The following DRC3 variants were observed in gnomAD, a reference collection of about 807,000 sequenced individuals.
DRC3 encodes dynein regulatory complex subunit 3, also known as leucine rich repeat containing 48.
In DRC3, 45 loss-of-function variants were observed where a neutral mutation model predicts 57.6. The observed-to-expected ratio is 0.78, with a 90% CI of 0.62 to 1.00. DRC3 has a LOEUF of 1.00. Among genes scored for constraint, DRC3 ranks in the 50% least tolerant of loss-of-function variants. The pLI, the probability that DRC3 is intolerant of heterozygous loss-of-function variation, is 0.00. For synonymous variants in DRC3, 257 were observed against 272.3 expected (o/e 0.94, Z 0.55); for missense variants, 655 against 675.2 (o/e 0.97, Z 0.33).
At chr17:17,982,503 C>T (rs1230634251) in intron 3 of DRC3, among the ~76,000 whole-genome samples, 1 of 151,776 alleles carries the variant, frequency 6.6e-6, no homozygotes, top group Non-Finnish European at 1.5e-5. Flanking sequence ...GCGTGAGCCA[C>T]CACGCCTGGC....
At chr17:17,984,007 C>T in intron 4 of DRC3, 63 bp downstream of exon 4, 1 of 1,056,026 alleles carries the variant, frequency 9.5e-7, no homozygotes, top group Non-Finnish European at 1.4e-6. Flanking sequence ...AGGTTATTGC[C>T]TTCCCAGGAG....
At chr17:17,989,791 C>A (rs1324187377) in intron 5 of DRC3, among the ~76,000 whole-genome samples, 1 of 152,202 alleles carries the variant, frequency 6.6e-6, no homozygotes, top group Non-Finnish European at 1.5e-5. Context: ...TTCTTGCCAC[C>A]TGGCTTTTGG....
At chr17:17,992,090 C>T (rs1407706138) in intron 5 of DRC3, among the ~76,000 whole-genome samples, 2 of 152,120 alleles carry the variant, frequency 1.3e-5, no homozygotes, top group Non-Finnish European at 2.9e-5. Flanking sequence ...GCCTGGGCAA[C>T]ATGGCAAAAT....
In DRC3 at chr17:18,016,868, A is replaced by C; in HGVS notation, c.*197A>C. ...AAAGGACTCATTTCACATTTCCCCT[A>C]CTCATAAAAAAAAAAAAAAAATCAG... is the stretch of plus-strand genomic sequence containing the variant. On this transcript the variant is annotated 3_prime_UTR_variant, in exon 14 of 14. Coordinates refer to ENST00000399187, the MANE Select transcript of DRC3 (RefSeq NM_031294.4). 7 of 398,384 alleles carry C rather than the reference A, an allele frequency of 1.8e-5. No individual in the cohort carries two copies. Among genetic ancestry groups the C allele is most frequent in the Admixed American group, 4.9e-5 (1 of 20,324 alleles). 24.7% of individuals were successfully genotyped at this position (398,384 alleles called of 1,614,324 possible).
intron 5 of DRC3, 146 bp downstream of exon 5, chr17:17,988,244 C>G: frequency 1.2e-6 from 1 of 860,566 alleles, no homozygotes; most frequent in Non-Finnish European, 1.7e-6. Flanking sequence ...CTGGATTACT[C>G]CATGAGGGAT....
chr17:18,014,343 C>T (rs2044280519), intron 12 of DRC3, among the ~76,000 whole-genome samples: 1 of 152,210 alleles, frequency 6.6e-6, no homozygotes, highest in South Asian at 2.1e-4. Context: ...GTTTGCACAG[C>T]CCCTGCCTCC....
chr17:18,004,257 C>A (rs934791667), intron 9 of DRC3, 106 bp from the exon 10 acceptor site: 1 of 1,228,714 alleles, frequency 8.1e-7, no homozygotes, highest in Non-Finnish European at 1.2e-6. Flanking sequence ...TGCACTTGGG[C>A]AGGCTGACTC....
At chr17:17,979,412 G>T (rs1453129471) in intron 3 of DRC3, among the ~76,000 whole-genome samples, 2 of 152,216 alleles carry the variant, frequency 1.3e-5, no homozygotes, top group Non-Finnish European at 2.9e-5. Context: ...GAGGCCAGGG[G>T]CCGAGGCAAG....
At chr17:18,006,953 C>G in intron 11 of DRC3, 71 bp from the exon 12 acceptor site, 2 of 1,595,012 alleles carry the variant, frequency 1.3e-6, no homozygotes, top group South Asian at 2.2e-5. Context: ...AGTCTGTCTC[C>G]CGCCGTCTGA....
rs2043549416 is a variant in DRC3 at position 17,998,345 on chromosome 17, C to T, written c.999+711C>T. On this transcript the variant is annotated intron_variant, in intron 9 of 13. Coordinates refer to ENST00000399187, the MANE Select transcript of DRC3 (RefSeq NM_031294.4). ...ACTCAGCCTAACCAGGCCATGGGGT[C>T]CAGCCCAAGCAGGGGCCATTGGGAA... Among the ~76,000 whole-genome samples the T allele has an allele frequency of 2.0e-5, 3 of 152,176 alleles. No homozygotes were observed. The South Asian group carries it at 6.2e-4, about 32-fold the overall frequency.
chr17:17,975,502 G>A (rs1053175788), intron 2 of DRC3, among the ~76,000 whole-genome samples: 3 of 148,302 alleles, frequency 2.0e-5, no homozygotes, highest in East Asian at 1.9e-4. Context: ...GAGCCACCGC[G>A]CCTGACCTCC....
rs1490736472 is a variant in DRC3, at chr17:18,016,176, G to A, written c.1439G>A (p.Cys480Tyr). The change falls in exon 13 of 14, where the codon TGT becomes TAT. Residue 480 changes from cysteine (C) to tyrosine (Y), a missense_variant. Physicochemically the swap from Cys to Tyr is radical, Grantham distance 194 (BLOSUM62 -2). Transcript: ENST00000399187. ...CTGGTGACCAGAATCAACTCTTGGTGTACACGTTTAATAGACAGGGTGAGT... is the reference window on the plus strand; with the variant it reads ...CTGGTGACCAGAATCAACTCTTGGTATACACGTTTAATAGACAGGGTGAGT... The part of the protein sequence containing the change: ...DELVTRINSW[C>Y]TRLIDRIHKD... 1.9e-6 allele frequency: 3 copies of A among 1,613,854 alleles called. No homozygotes were observed. In the African/African-American group the frequency reaches 4.0e-5, roughly 22 times the overall value.
chr17:17,994,462 C>T, intron 7 of DRC3, 44 bp downstream of exon 7: 5 of 1,545,082 alleles, frequency 3.2e-6, no homozygotes, highest in Non-Finnish European at 4.4e-6. Flanking sequence ...CCTCAGATGC[C>T]CACAAGAGGG....
rs115651832 is a variant in DRC3 at position 17,987,104 on chromosome 17, A to C, written c.278-828A>C. On this transcript the variant is annotated intron_variant, in intron 4 of 13. Coordinates refer to ENST00000399187, the MANE Select transcript of DRC3 (RefSeq NM_031294.4). Reference sequence around the variant, plus strand: ...ATGGCGTATACCTGTGGTCCAGTCTACTCAGGAGGCTGAAGCAGGAGGATC... The same window carrying C: ...ATGGCGTATACCTGTGGTCCAGTCTCCTCAGGAGGCTGAAGCAGGAGGATC... Among the ~76,000 whole-genome samples, 1,024 of 151,010 alleles carry C rather than the reference A, an allele frequency of 6.8e-3. 7 individuals carry two copies. The highest frequency in any genetic ancestry group is 0.024 in the African/African-American group (975 of 41,124).
chr17:17,980,284 T>TG (rs1491409561), intron 3 of DRC3, among the ~76,000 whole-genome samples: 1 of 143,808 alleles, frequency 7.0e-6, no homozygotes, highest in South Asian at 2.4e-4. Context: ...TTATTGTTGT[T>TG]GTTTTTTTTT....
intron 12 of DRC3, among the ~76,000 whole-genome samples, chr17:18,009,436 C>T (rs1232212874): frequency 1.3e-5 from 2 of 152,102 alleles, no homozygotes; most frequent in Non-Finnish European, 2.9e-5. Context: ...AATAATACAT[C>T]GCTGACATTT....
At position 17,987,049 on chromosome 17, in the gene DRC3, C is replaced by T. The variant is rs116438627; in HGVS notation, c.278-883C>T. 5.2e-3 allele frequency among the ~76,000 whole-genome samples: 797 copies of T among 151,922 alleles called. 3 individuals are homozygous for T. Among genetic ancestry groups the T allele is most frequent in the African/African-American group, 0.018 (759 of 41,454 alleles). On this transcript the variant is annotated intron_variant, in intron 4 of 13. Coordinates refer to ENST00000399187, the MANE Select transcript of DRC3 (RefSeq NM_031294.4). ...AATATGGTAAGAGCCTGTCTCTATACAAACCTTTTTAAAAAGTTAGCTGGA... is the reference window on the plus strand; with the variant it reads ...AATATGGTAAGAGCCTGTCTCTATATAAACCTTTTTAAAAAGTTAGCTGGA...
At chr17:17,995,367 C>T (rs1256943021) in intron 8 of DRC3, among the ~76,000 whole-genome samples, 7 of 152,202 alleles carry the variant, frequency 4.6e-5, no homozygotes, top group African/African-American at 1.7e-4. Context: ...GTTTGGCAAG[C>T]CAGGTTTTCA....
At chr17:17,987,865 T>A (rs2043034820) in intron 4 of DRC3, 67 bp from the exon 5 acceptor site, 1 of 1,547,198 alleles carries the variant, frequency 6.5e-7, no homozygotes, top group East Asian at 2.3e-5. Context: ...GCCCTGATGG[T>A]TTTATTTCAG....
Sources: allele counts gnomAD v4.1 joint callset (sites outside exome capture counted in the v4.1 genomes callset), GRCh38; gene constraint gnomAD v4.1.1; transcripts MANE v1.5; gene names NCBI Gene and HGNC (gene_info 2026-07-23, HGNC 2026-07-21).